KIFC2: variants seen among roughly 807,000 people sequenced by gnomAD.
KIFC2 encodes kinesin-like protein KIFC2.
Under a neutral mutation model 91.5 loss-of-function variants are expected in KIFC2, and 94 were observed. That is an observed-to-expected ratio of 1.03 (90% CI 0.87 to 1.22). The LOEUF (loss-of-function observed/expected upper bound fraction) is 1.22, where lower values mean the gene tolerates loss of function less well. Ranked by LOEUF, KIFC2 falls within the 50% of genes most tolerant of loss-of-function variation. The pLI, the probability that KIFC2 is intolerant of heterozygous loss-of-function variation, is 0.00. For synonymous variants in KIFC2, 729 were observed against 503.9 expected (o/e 1.45, Z -5.98); for missense variants, 1,357 against 1,103.3 (o/e 1.23, Z -3.26).
intron 12 of KIFC2, among the ~76,000 whole-genome samples, chr8:144,471,371 T>C (rs1586723701): frequency 6.6e-6 from 1 of 151,506 alleles, no homozygotes; most frequent in African/African-American, 2.4e-5. Flanking sequence ...AGTGCAGTGG[T>C]GCAATCTCAG....
chr8:144,472,265 C>CT lies in KIFC2; in HGVS notation c.1607+7dup. On this transcript the variant is annotated splice_region_variant and intron_variant, in intron 14 of 17. Coordinates refer to ENST00000645548, the MANE Select transcript of KIFC2 (RefSeq NM_001369769.2). ...ATCTACAATGAGGCTGTCAGGTGGG[C>CT]TACTCCACCAGGGAGGCCTTCTCCC... 1 of 1,613,336 alleles carries CT rather than the reference C, an allele frequency of 6.2e-7. No homozygotes were observed. Among genetic ancestry groups the CT allele is most frequent in the East Asian group, 2.2e-5 (1 of 44,860 alleles).
chr8:144,466,605 GGCGCGGGGCGACGGGGCC>G, intron 1 of KIFC2, 87 bp downstream of exon 1: 1 of 881,756 alleles, frequency 1.1e-6, no homozygotes, highest in African/African-American at 1.8e-5. Flanking sequence ...GCGGGCACGG[GGCGCGGGGCGACGGGGCC>G]GTGCCGAGGA....
At position 144,473,326 on chromosome 8, in the gene KIFC2, A is replaced by G. The variant is rs1428674291; in HGVS notation, c.2313A>G (p.Pro771=). The G allele has an allele frequency of 3.1e-6, 5 of 1,600,524 alleles. No individual in the cohort carries two copies. The highest frequency in any genetic ancestry group is 4.3e-6 in the Non-Finnish European group (5 of 1,175,140). ...CTPTPSPGSP[P]CPSPDNGSGS... is the part of the protein sequence containing the mutation. ...CTACGCCGTCCCCTGGCAGTCCTCC[A>G]TGCCCCAGTCCCGACAACGGCTCGG... The change falls in exon 18 of 18, where the codon CCA becomes CCG. Residue 771 remains proline, a synonymous_variant. Transcript: ENST00000645548.
At chr8:144,466,696 C>A in intron 1 of KIFC2, 64 bp from the exon 2 acceptor site, 1 of 1,347,106 alleles carries the variant, frequency 7.4e-7, no homozygotes, top group Non-Finnish European at 9.9e-7. Context: ...GCCCGGTTCG[C>A]GGAGGGAAGG....
chr8:144,467,706 C>G lies in KIFC2; in HGVS notation c.616-8C>G. On this transcript the variant is annotated splice_region_variant and splice_polypyrimidine_tract_variant and intron_variant, in intron 5 of 17. Transcript: ENST00000645548. ...GAGGTCCACCCTGTCTCTCTTACTT[C>G]TCCCCAGCTGGAGGAGCTGAAGCAG... The G allele has an allele frequency of 6.2e-7, 1 of 1,613,642 alleles. No homozygotes were observed. The highest frequency in any genetic ancestry group is 8.5e-7 in the Non-Finnish European group (1 of 1,179,876).
chr8:144,471,640 C>T (rs946711585), intron 12 of KIFC2, among the ~76,000 whole-genome samples: 1 of 152,168 alleles, frequency 6.6e-6, no homozygotes, highest in Non-Finnish European at 1.5e-5. Flanking sequence ...CACCTGCGCT[C>T]TTAACTGCTG....
rs1035356614 is a variant in KIFC2 at position 144,468,705 on chromosome 8, C to T, written c.1004-20C>T. The T allele has an allele frequency of 6.2e-7, 1 of 1,613,580 alleles. No individual in the cohort carries two copies. The highest frequency in any genetic ancestry group is 1.7e-5 in the Admixed American group (1 of 59,980). ...GCCCTGGAGGCTGGGCCTTCCCTTC[C>T]AACAGACTTCCCTCTCCAGGACTTC... On this transcript the variant is annotated intron_variant, in intron 9 of 17. Transcript: ENST00000645548.
At position 144,469,119 on chromosome 8, in the gene KIFC2, T is replaced by C. The variant is rs1004465699; in HGVS notation, c.1114-152T>C. 8.0e-4 allele frequency: 542 copies of C among 679,406 alleles called. 3 individuals are homozygous for C. Among genetic ancestry groups the C allele is most frequent in the Admixed American group, 1.2e-3 (41 of 34,662 alleles). The allele number at this position is 679,406 out of a possible 1,614,324, so 42.1% of individuals were successfully genotyped here. On this transcript the variant is annotated intron_variant, in intron 10 of 17. Transcript: ENST00000645548. ...GCTTTATCCTGGGGTTACTCAATGATGTCCCCAGGGGCCCAGAGCCACTGA... is the reference window on the plus strand; with the variant it reads ...GCTTTATCCTGGGGTTACTCAATGACGTCCCCAGGGGCCCAGAGCCACTGA...
chr8:144,468,826 C>A lies in KIFC2; in HGVS notation c.1105C>A (p.Arg369=), dbSNP rs368447948. The A allele has an allele frequency of 6.2e-7, 1 of 1,613,476 alleles. No individual in the cohort carries two copies. The highest frequency in any genetic ancestry group is 1.1e-5 in the South Asian group (1 of 91,070). The change falls in exon 10 of 18, where the codon CGG becomes AGG. Residue 369 remains arginine, a synonymous_variant. Transcript: ENST00000645548. The part of the protein sequence containing the change: ...QSCQGSLSEA[R]GQVSWALGAL... Reference sequence around the variant, plus strand: ...CTGTCAGGGTTCGCTGAGTGAGGCCCGGGGCCAGGTCAGGACCCCTCCCCG... The same window carrying A: ...CTGTCAGGGTTCGCTGAGTGAGGCCAGGGGCCAGGTCAGGACCCCTCCCCG...
At position 144,473,982 on chromosome 8, in the gene KIFC2, TTCCAGGCTCAG is replaced by T. The variant is rs1238307009; in HGVS notation, c.*594_*604del. ...GAGAAGAGGGGACTAGGAAGGGCTATTCCAGGCTCAGCCCTGCTCCTGCAGCTTTGCCGCTG... is the reference window on the plus strand; with the variant it reads ...GAGAAGAGGGGACTAGGAAGGGCTATCCCTGCTCCTGCAGCTTTGCCGCTG... On this transcript the variant is annotated 3_prime_UTR_variant, in exon 18 of 18. Transcript: ENST00000645548. The T allele has an allele frequency of 1.7e-4, 95 of 547,036 alleles. 1 individual carries two copies. Among genetic ancestry groups the T allele is most frequent in the African/African-American group, 1.7e-3 (90 of 53,300 alleles). The allele number at this position is 547,036 out of a possible 1,614,324, so 33.9% of individuals were successfully genotyped here.
At chr8:144,467,801 G>A (rs769121119) in intron 6 of KIFC2, 22 bp downstream of exon 6, 4 of 1,613,562 alleles carry the variant, frequency 2.5e-6, no homozygotes, top group South Asian at 2.2e-5. Context: ...GGGAGACCTG[G>A]CAGGGCCGGG....
rs777268677 is a variant in KIFC2, at chr8:144,467,839, CGA to C, written c.682-18_682-17del. 1 of 1,613,294 alleles carries C rather than the reference CGA, an allele frequency of 6.2e-7. No individual in the cohort carries two copies. Among genetic ancestry groups the C allele is most frequent in the Non-Finnish European group, 8.5e-7 (1 of 1,179,838 alleles). On this transcript the variant is annotated intron_variant, in intron 6 of 17. Transcript: ENST00000645548. ...TGGAGGGGGTGCTTCAGGTGAGTGC[CGA>C]GGTTTCCTCTCCACCAGGGGGCGAC... is the stretch of plus-strand genomic sequence containing the variant.
In KIFC2 at chr8:144,466,850, C is replaced by T. The variant is rs1352318269; in HGVS notation, c.178+12C>T. On this transcript the variant is annotated intron_variant, in intron 2 of 17. Coordinates refer to ENST00000645548, the MANE Select transcript of KIFC2 (RefSeq NM_001369769.2). ...GACCGGCCTGGCCGGTAGGTGCGGG[C>T]TGGGAGTCCCGCGGTGCGAGGGCGG... 1 of 1,536,522 alleles carries T rather than the reference C, an allele frequency of 6.5e-7. No homozygotes were observed. Among genetic ancestry groups the T allele is most frequent in the Non-Finnish European group, 8.7e-7 (1 of 1,147,868 alleles).
At position 144,468,801 on chromosome 8, in the gene KIFC2, C is replaced by T. The variant is rs760732122; in HGVS notation, c.1080C>T (p.Ser360=). 9 of 1,613,884 alleles carry T rather than the reference C, an allele frequency of 5.6e-6. No individual in the cohort carries two copies. In the South Asian group the frequency reaches 8.8e-5, roughly 16 times the overall value. ...LRGLVSTFTQ[S]CQGSLSEARG... is the part of the protein sequence containing the mutation. ...GTTTGGTCAGCACCTTTACCCAGAG[C>T]TGTCAGGGTTCGCTGAGTGAGGCCC... The change falls in exon 10 of 18, where the codon AGC becomes AGT. Residue 360 remains serine (S), a synonymous_variant. Coordinates refer to ENST00000645548, the MANE Select transcript of KIFC2 (RefSeq NM_001369769.2).
chr8:144,469,475 T>C lies in KIFC2; in HGVS notation c.1223-15T>C. ...GGGTCTGCGAGGCATTATGCTGACC[T>C]GATCCCCACTGCAGGAAATATCCGT... On this transcript the variant is annotated splice_polypyrimidine_tract_variant and intron_variant, in intron 11 of 17. Transcript: ENST00000645548. 2 of 1,613,938 alleles carry C rather than the reference T, an allele frequency of 1.2e-6. No homozygotes were observed. Among genetic ancestry groups the C allele is most frequent in the Non-Finnish European group, 1.7e-6 (2 of 1,180,000 alleles).
rs1373409020 is a variant in KIFC2 at position 144,473,259 on chromosome 8, C to T, written c.2246C>T (p.Ser749Phe). 3.1e-6 allele frequency: 5 copies of T among 1,605,246 alleles called. No individual in the cohort carries two copies. Among genetic ancestry groups the T allele is most frequent in the African/African-American group, 1.3e-5 (1 of 74,692 alleles). Residue 749 changes from serine (S) to phenylalanine (F), a missense_variant, in exon 18 of 18, where the codon TCC becomes TTC. Ser to Phe is a radical substitution (Grantham distance 155). Transcript: ENST00000645548. ...RVPRSSGTPS[S>F]LSTDTPLTGT... The stretch of plus-strand genomic sequence containing the variant: ...CCGCGCTCCTCCGGGACGCCTTCTT[C>T]CCTCAGCACCGACACTCCGCTCACC...
Position 144,472,273 on chromosome 8 carries a change from C to T in KIFC2, c.1607+14C>T, listed in dbSNP as rs1404010465. ...TGAGGCTGTCAGGTGGGCTACTCCA[C>T]CAGGGAGGCCTTCTCCCCACCCCTG... is the stretch of plus-strand genomic sequence containing the variant. On this transcript the variant is annotated intron_variant, in intron 14 of 17. Coordinates refer to ENST00000645548, the MANE Select transcript of KIFC2 (RefSeq NM_001369769.2). 6.2e-7 allele frequency: 1 copy of T among 1,613,374 alleles called. No homozygotes were observed. Among genetic ancestry groups the T allele is most frequent in the South Asian group, 1.1e-5 (1 of 91,090 alleles).
In KIFC2 at chr8:144,467,916, A is replaced by G. The variant is rs755174393; in HGVS notation, c.739A>G (p.Lys247Glu). Residue 247 changes from lysine to glutamate, a missense_variant, in exon 7 of 18, where the codon AAG (lysine) becomes GAG (glutamate). Lys to Glu is a moderately conservative substitution (Grantham distance 56). Coordinates refer to ENST00000645548, the MANE Select transcript of KIFC2 (RefSeq NM_001369769.2). Reference protein sequence around the residue: ...QHLTLENEALKQSLSLMRDLL... With the variant: ...QHLTLENEALEQSLSLMRDLL... ...TCTGACTCTGGAGAACGAGGCCCTGAAGCAGAGCCTGAGTCTCATGCGGGA... is the reference window on the plus strand; with the variant it reads ...TCTGACTCTGGAGAACGAGGCCCTGGAGCAGAGCCTGAGTCTCATGCGGGA... The G allele has an allele frequency of 1.2e-6, 2 of 1,612,336 alleles. No individual in the cohort carries two copies. The highest frequency in any genetic ancestry group is 1.7e-6 in the Non-Finnish European group (2 of 1,179,452).
intron 7 of KIFC2, 61 bp downstream of exon 7, chr8:144,468,048 C>G: frequency 6.8e-7 from 1 of 1,475,462 alleles, no homozygotes; most frequent in Non-Finnish European, 9.0e-7. Flanking sequence ...ACCTGGCATG[C>G]AGCCACAGGG....
Sources: gnomAD v4.1 joint callset for allele counts (sites outside exome capture counted in the v4.1 genomes callset) on GRCh38, gnomAD v4.1.1 for gene constraint, MANE v1.5 for transcripts, NCBI Gene and HGNC (gene_info 2026-07-23, HGNC 2026-07-21) for gene names.